PRKN: variants seen among roughly 807,000 people sequenced by gnomAD.
PRKN encodes the protein parkin RBR E3 ubiquitin protein ligase, also known as E3 ubiquitin-protein ligase parkin.
A neutral mutation model predicts 59.5 loss-of-function variants in PRKN; 56 were observed. The ratio of observed to expected loss-of-function variants is 0.94; its 90% CI spans 0.76 to 1.18. The LOEUF (loss-of-function observed/expected upper bound fraction) is 1.18, where lower values mean the gene tolerates loss of function less well. Among genes scored for constraint, PRKN ranks in the 50% most tolerant of loss-of-function variants. The pLI is 0.00. For synonymous variants in PRKN, 250 were observed against 222.1 expected (o/e 1.13, Z -1.12); for missense variants, 657 against 596.4 (o/e 1.10, Z -1.06).
intron 7 of PRKN, among the ~76,000 whole-genome samples, chr6:161,634,778 T>C (rs145124365): frequency 6.6e-6 from 1 of 152,312 alleles, no homozygotes; most frequent in East Asian, 1.9e-4. Context: ...AAGCAGGTCA[T>C]AAGAACTCAA....
At chr6:162,601,752 A>G (rs1781721811) in intron 1 of PRKN, among the ~76,000 whole-genome samples, 1 of 152,156 alleles carries the variant, frequency 6.6e-6, no homozygotes, top group African/African-American at 2.4e-5. Context: ...AGTATATTTA[A>G]AGGGTGAATG....
At chr6:162,250,521 C>T (rs1779392282) in intron 3 of PRKN, among the ~76,000 whole-genome samples, 1 of 152,174 alleles carries the variant, frequency 6.6e-6, no homozygotes, top group Admixed American at 6.5e-5. Flanking sequence ...CCCCCAGATT[C>T]AATTATAAAT....
chr6:161,522,508 T>C (rs1778867235), intron 9 of PRKN, among the ~76,000 whole-genome samples: 1 of 152,218 alleles, frequency 6.6e-6, no homozygotes, highest in Admixed American at 6.5e-5. Flanking sequence ...TTAATAGATA[T>C]GGATCCCAGC....
At chr6:162,355,315 TTATC>T (rs1051415626) in intron 2 of PRKN, among the ~76,000 whole-genome samples, 8 of 151,842 alleles carry the variant, frequency 5.3e-5, no homozygotes, top group Non-Finnish European at 1.0e-4. Context: ...AGATCTCACA[TTATC>T]TATTTAATTA....
At chr6:162,706,888 G>T (rs1221521347) in intron 1 of PRKN, among the ~76,000 whole-genome samples, 7 of 152,044 alleles carry the variant, frequency 4.6e-5, no homozygotes, top group Non-Finnish European at 1.0e-4. Context: ...TGATTATATT[G>T]ACCATATACC....
intron 6 of PRKN, among the ~76,000 whole-genome samples, chr6:161,823,190 T>C (rs545618093): frequency 6.6e-6 from 1 of 151,962 alleles, no homozygotes; most frequent in Non-Finnish European, 1.5e-5. Flanking sequence ...CTCTGCCTTG[T>C]TCCCCCAAAG....
intron 6 of PRKN, among the ~76,000 whole-genome samples, chr6:161,939,349 T>C (rs1404155595): frequency 2.4e-5 from 3 of 126,302 alleles, no homozygotes; most frequent in Non-Finnish European, 4.7e-5. Context: ...GCCTGGGCGG[T>C]GGAGGTTGCA....
At chr6:162,005,307 T>C (rs951225443) in intron 5 of PRKN, among the ~76,000 whole-genome samples, 5 of 152,170 alleles carry the variant, frequency 3.3e-5, no homozygotes, top group African/African-American at 1.2e-4. Flanking sequence ...ACCAGGAAAG[T>C]TGTTCACATT....
intron 7 of PRKN, among the ~76,000 whole-genome samples, chr6:161,755,695 G>A (rs1788887416): frequency 6.6e-6 from 1 of 152,130 alleles, no homozygotes; most frequent in African/African-American, 2.4e-5. Context: ...GTAATTCAAT[G>A]TGGATAATTC....
rs533353450 is a variant in PRKN, at chr6:161,361,874, C to G, written c.1168-1669G>C. On this transcript the variant is annotated intron_variant, in intron 10 of 11. Coordinates refer to ENST00000366898, the MANE Select transcript of PRKN (RefSeq NM_004562.3). The surrounding 1 kb of genome is among the most constrained non-coding windows in gnomAD (Gnocchi z 5.2). ...GTGGTTAGTGAGGGCCATTTCACAA[C>G]TTGGTAACTAGGTATGCATCTTCAT... Among the ~76,000 whole-genome samples, 3 of 152,176 alleles carry G rather than the reference C, an allele frequency of 2.0e-5. No individual in the cohort carries two copies. The highest frequency in any genetic ancestry group is 4.4e-5 in the Non-Finnish European group (3 of 68,040).
chr6:162,716,309 A>G (rs1257194784), intron 1 of PRKN, among the ~76,000 whole-genome samples: 2 of 152,230 alleles, frequency 1.3e-5, no homozygotes, highest in Non-Finnish European at 2.9e-5. Flanking sequence ...CTATGCTGAC[A>G]TCTGTGAGAA....
At chr6:162,475,659 G>A (rs1334920423) in intron 1 of PRKN, among the ~76,000 whole-genome samples, 2 of 152,230 alleles carry the variant, frequency 1.3e-5, no homozygotes, top group Non-Finnish European at 2.9e-5. Context: ...AGGGCTGCGT[G>A]TGCAATGCGG....
At chr6:161,574,704 T>G (rs1288646770) in intron 7 of PRKN, among the ~76,000 whole-genome samples, 1 of 152,208 alleles carries the variant, frequency 6.6e-6, no homozygotes, top group African/African-American at 2.4e-5. Flanking sequence ...GAGACTATAA[T>G]AGAAGTGTTT....
chr6:162,090,999 T>C (rs1005664039), intron 4 of PRKN, among the ~76,000 whole-genome samples: 1 of 152,220 alleles, frequency 6.6e-6, no homozygotes, highest in Non-Finnish European at 1.5e-5. Context: ...AGCAACCATG[T>C]GGCTTCACTT....
In PRKN at chr6:161,400,130, T is replaced by C. The variant is rs988311067; in HGVS notation, c.1084-13253A>G. On this transcript the variant is annotated intron_variant, in intron 9 of 11. Transcript: ENST00000366898. The surrounding 1 kb of genome is among the most constrained non-coding windows in gnomAD (Gnocchi z 4.2). ...CTCACAGGGCTAGTGGCCACCATGC[T>C]GGCCACCACGCTGGACTGCGCAGGT... Among the ~76,000 whole-genome samples, 1 of 152,056 alleles carries C rather than the reference T, an allele frequency of 6.6e-6. No individual in the cohort carries two copies. Among genetic ancestry groups the C allele is most frequent in the Non-Finnish European group, 1.5e-5 (1 of 68,018 alleles).
At chr6:162,075,247 CT>C (rs1778771333) in intron 4 of PRKN, among the ~76,000 whole-genome samples, 1 of 152,092 alleles carries the variant, frequency 6.6e-6, no homozygotes, top group Non-Finnish European at 1.5e-5. Context: ...TCATAGTTAC[CT>C]CAGCTGGCTT....
At chr6:162,010,025 C>T (rs748714093) in intron 5 of PRKN, among the ~76,000 whole-genome samples, 1 of 151,190 alleles carries the variant, frequency 6.6e-6, no homozygotes, top group Non-Finnish European at 1.5e-5. Context: ...TTCACCTACG[C>T]TTGGAGTTAC....
intron 2 of PRKN, among the ~76,000 whole-genome samples, chr6:162,387,531 AACAC>A (rs1157932001): frequency 4.5e-4 from 55 of 121,992 alleles, no homozygotes; most frequent in African/African-American, 1.1e-3. Context: ...CCCTCCTCAC[AACAC>A]ACACACACAC....
rs201872791 is a variant in PRKN at position 162,721,552 on chromosome 6, C to A, written c.7+6110G>T. ...CCTCCATGCCTGTCTAGAAGGCCGC[C>A]TTCACCTAGTTAACTCCTACTTGTC... On this transcript the variant is annotated intron_variant, in intron 1 of 11. Transcript: ENST00000366898. 7.9e-5 allele frequency among the ~76,000 whole-genome samples: 12 copies of A among 152,272 alleles called. No individual in the cohort carries two copies. The East Asian group carries it at 1.7e-3, about 22-fold the overall frequency.
Sources: gnomAD v4.1 joint callset for allele counts (sites outside exome capture counted in the v4.1 genomes callset) on GRCh38, gnomAD v4.1.1 for gene constraint, Gnocchi (gnomAD v3.1) non-coding constraint, MANE v1.5 for transcripts, NCBI Gene and HGNC (gene_info 2026-07-23, HGNC 2026-07-21) for gene names.